Variants in TRAK2 observed in about 807,000 individuals in gnomAD.
TRAK2 encodes the protein trafficking kinesin-binding protein 2.
In TRAK2, 81 loss-of-function variants were observed where a neutral mutation model predicts 104.6. The ratio of observed to expected loss-of-function variants is 0.77; its 90% confidence interval spans 0.65 to 0.93. The LOEUF (loss-of-function observed/expected upper bound fraction) is 0.93. Ranked by LOEUF, TRAK2 falls within the 40% of genes least tolerant of loss-of-function variation. TRAK2 has a pLI of 0.00. For synonymous variants in TRAK2, 406 were observed against 394.4 expected, an observed-to-expected ratio of 1.03 and a Z score of -0.35; for missense variants, 1,002 against 1,089.0, an observed-to-expected ratio of 0.92 and a Z score of 1.12.
intron 3 of TRAK2, among the ~76,000 whole-genome samples, chr2:201,405,808 C>T (rs1425581683): frequency 6.6e-6 from 1 of 152,112 alleles, no homozygotes; most frequent in Non-Finnish European, 1.5e-5. Context: ...CATGGTGAAA[C>T]CCCGTCTCTA....
intron 1 of TRAK2, among the ~76,000 whole-genome samples, chr2:201,446,863 T>C (rs950380180): frequency 6.6e-6 from 1 of 152,252 alleles, no homozygotes; most frequent in African/African-American, 2.4e-5. Flanking sequence ...TAAAGCTTTA[T>C]GATCTATACA....
intron 2 of TRAK2, among the ~76,000 whole-genome samples, chr2:201,413,868 C>A (rs1951669505): frequency 6.6e-6 from 1 of 152,148 alleles, no homozygotes; most frequent in African/African-American, 2.4e-5. Flanking sequence ...TCTCCTAATT[C>A]CTCCAGGTGT....
Position 201,384,209 on chromosome 2 carries a change from G to A in TRAK2, c.1971C>T (p.Thr657=), listed in dbSNP as rs749538057. ...TSAGGPVTVA[T]ANPGKCLSCT... ...ACGACAGGCACTTTCCTGGGTTGGC[G>A]GTTGCAACTGAAATAGATTTTTAGG... The change falls in exon 15 of 16, where the codon ACC becomes ACT. Residue 657 remains threonine (T), a synonymous_variant. Transcript: ENST00000332624. 65 of 1,611,570 alleles carry A rather than the reference G, an allele frequency of 4.0e-5. 1 individual carries two copies. The highest frequency in any genetic ancestry group is 1.1e-4 in the South Asian group (10 of 90,400).
intron 3 of TRAK2, among the ~76,000 whole-genome samples, 194 bp downstream of exon 3, chr2:201,407,209 G>A (rs1468104685): frequency 1.3e-5 from 2 of 152,170 alleles, no homozygotes; most frequent in East Asian, 3.9e-4. Flanking sequence ...ACTAGACACT[G>A]AGAGTCATAA....
intron 1 of TRAK2, among the ~76,000 whole-genome samples, chr2:201,425,578 T>C (rs1428985493): frequency 6.6e-6 from 1 of 152,080 alleles, no homozygotes; most frequent in African/African-American, 2.4e-5. Context: ...TTTTTTTATT[T>C]TTAGTAGAGA....
At position 201,420,320 on chromosome 2, in the gene TRAK2, T is replaced by C. The variant is rs1576526745; in HGVS notation, c.91+97A>G. On this transcript the variant is annotated intron_variant, in intron 2 of 15. Coordinates refer to ENST00000332624, the MANE Select transcript of TRAK2 (RefSeq NM_015049.3). Reference sequence around the variant, plus strand: ...AGGACATCAGACTAGAAAGGGAGGCTTGGGTTTCATCATGATAGGTCATAT... The same window carrying C: ...AGGACATCAGACTAGAAAGGGAGGCCTGGGTTTCATCATGATAGGTCATAT... 5 of 990,976 alleles carry C rather than the reference T, an allele frequency of 5.0e-6. No individual in the cohort carries two copies. In the African/African-American group the frequency reaches 6.4e-5, roughly 13 times the overall value. The allele number at this position is 990,976 out of a possible 1,614,324, so 61.4% of individuals were successfully genotyped here.
At chr2:201,389,732 T>A in intron 11 of TRAK2, 69 bp downstream of exon 11, 2 of 1,405,224 alleles carry the variant, frequency 1.4e-6, no homozygotes, top group Non-Finnish European at 2.0e-6. Flanking sequence ...TACTTGCCAC[T>A]TTGGATTGTG....
intron 2 of TRAK2, chr2:201,411,744 C>T (rs1355118393): frequency 2.6e-6 from 2 of 780,618 alleles, no homozygotes; most frequent in South Asian, 1.3e-5. Context: ...GGGTAGGATA[C>T]CATCAAGTAC....
rs201330341 is a variant in TRAK2 at position 201,388,015 on chromosome 2, G to A, written c.1398-14C>T. On this transcript the variant is annotated splice_polypyrimidine_tract_variant and intron_variant, in intron 12 of 15. Transcript: ENST00000332624. ...TTCTGGGAGCTCCTATAGGAAAATC[G>A]CGTTCACTGATTAGATCTTGAGGAT... 8.9e-5 allele frequency: 143 copies of A among 1,613,768 alleles called. No individual in the cohort carries two copies. The East Asian group carries it at 2.9e-3, about 33-fold the overall frequency.
At chr2:201,428,321 A>T (rs1559452050) in intron 1 of TRAK2, among the ~76,000 whole-genome samples, 1 of 152,202 alleles carries the variant, frequency 6.6e-6, no homozygotes, top group South Asian at 2.1e-4. Context: ...TTAAGTATTT[A>T]ATCCATCTTG....
At chr2:201,388,731 G>C (rs74714096) in intron 12 of TRAK2, among the ~76,000 whole-genome samples, 26 of 152,216 alleles carry the variant, frequency 1.7e-4, no homozygotes, top group Non-Finnish European at 3.2e-4. Flanking sequence ...TTGTGTGACA[G>C]TGAGGCAGTA....
intron 1 of TRAK2, among the ~76,000 whole-genome samples, chr2:201,444,125 C>T (rs750881083): frequency 6.6e-6 from 1 of 151,884 alleles, no homozygotes; most frequent in African/African-American, 2.4e-5. Context: ...CGCTTGAACC[C>T]GGGAAGCAGA....
chr2:201,383,107 T>C (rs998712162), intron 15 of TRAK2, among the ~76,000 whole-genome samples: 1 of 152,224 alleles, frequency 6.6e-6, no homozygotes, highest in Non-Finnish European at 1.5e-5. Context: ...CTTTTGGGAA[T>C]TGTTAGGATA....
chr2:201,406,421 G>A (rs900503685), intron 3 of TRAK2, among the ~76,000 whole-genome samples: 1 of 152,122 alleles, frequency 6.6e-6, no homozygotes, highest in Non-Finnish European at 1.5e-5. Context: ...AGTTTCAGCT[G>A]AAACAATGTT....
At chr2:201,392,798 A>G in intron 10 of TRAK2, 111 bp downstream of exon 10, 1 of 1,120,360 alleles carries the variant, frequency 8.9e-7, no homozygotes. Flanking sequence ...AGAAACAAGG[A>G]AAAAATCTCT....
chr2:201,430,250 T>C (rs1304472326), intron 1 of TRAK2, among the ~76,000 whole-genome samples: 1 of 152,164 alleles, frequency 6.6e-6, no homozygotes, highest in Non-Finnish European at 1.5e-5. Flanking sequence ...CTGGGAGGTG[T>C]CTCCCAGTTA....
Position 201,407,404 on chromosome 2 carries a change from C to T in TRAK2, c.285G>A (p.Met95Ile), listed in dbSNP as rs1237780441. Reference protein sequence around the residue: ...PVLAEETFRYMILGTDRVEQM... With the variant: ...PVLAEETFRYIILGTDRVEQM... ...TAAAAGAGTAAAAAAAATACTCACT[C>T]ATGTAACGGAAAGTCTCTTCAGCAA... is the stretch of plus-strand genomic sequence containing the variant. Residue 95 changes from methionine to isoleucine, a missense_variant and splice_region_variant, in exon 3 of 16, where the codon ATG becomes ATA. Physicochemically the swap from Met to Ile is conservative, Grantham distance 10. Transcript: ENST00000332624. The T allele has an allele frequency of 1.9e-6, 3 of 1,612,034 alleles. No individual in the cohort carries two copies. The highest frequency in any genetic ancestry group is 1.3e-5 in the African/African-American group (1 of 74,820).
At chr2:201,441,981 T>C (rs35520803) in intron 1 of TRAK2, among the ~76,000 whole-genome samples, 146,773 of 151,556 alleles carry the variant, frequency 0.97, 71,255 homozygotes, top group East Asian at 1. Flanking sequence ...TGTGAGCCAC[T>C]GTGCCCGGCC....
rs944976786 is a variant in TRAK2, at chr2:201,379,817, T to G, written c.*726A>C. On this transcript the variant is annotated 3_prime_UTR_variant, in exon 16 of 16. Transcript: ENST00000332624. ...CCCTCCCACCCTCTACCCAGTTGTT[T>G]TTTTTTTTGGAGGTTGTATAAAAAT... 8 of 152,230 alleles carry G rather than the reference T, an allele frequency of 5.3e-5. No homozygotes were observed. Among genetic ancestry groups the G allele is most frequent in the Non-Finnish European group, 8.8e-5 (6 of 67,976 alleles). The allele number at this position is 152,230 out of a possible 1,614,324, so 9.4% of individuals were successfully genotyped here. A position where few individuals can be genotyped will look rare whatever the true frequency, so the allele number is the denominator to read the frequency against.
Sources: allele counts gnomAD v4.1 joint callset (sites outside exome capture counted in the v4.1 genomes callset), GRCh38; gene constraint gnomAD v4.1.1; transcripts MANE v1.5; gene names NCBI Gene and HGNC (gene_info 2026-07-23, HGNC 2026-07-21).